NFU1: variants seen among roughly 807,000 people sequenced by gnomAD.
The protein encoded by NFU1 is NFU1 iron-sulfur cluster scaffold homolog, mitochondrial.
A neutral mutation model predicts 32.2 loss-of-function variants in NFU1; 30 were observed. That is an observed-to-expected ratio of 0.93 (90% CI 0.70 to 1.26). The LOEUF is 1.26. NFU1 is among the 50% of genes most tolerant of loss of function. NFU1 has a pLI of 0.00. For missense variants in NFU1, 306 were observed against 306.6 expected (o/e 1.00, Z 0.02); for synonymous variants, 112 against 104.6 (o/e 1.07, Z -0.43).
intron 4 of NFU1, 63 bp from the exon 5 acceptor site, chr2:69,415,362 T>G: frequency 1.2e-6 from 1 of 844,662 alleles, no homozygotes; most frequent in Non-Finnish European, 2.0e-6. Context: ...TACAGAACAC[T>G]ACCTTATACC....
chr2:69,439,096 T>C (rs1574165714), upstream of NFU1, among the ~76,000 whole-genome samples: 1 of 152,150 alleles, frequency 6.6e-6, no homozygotes, highest in East Asian at 1.9e-4. Context: ...TCCACACTCT[T>C]TTCTTCCCTT....
upstream of NFU1, among the ~76,000 whole-genome samples, chr2:69,438,769 G>A (rs897205617): frequency 3.9e-5 from 6 of 151,928 alleles, no homozygotes; most frequent in Non-Finnish European, 5.9e-5. Context: ...CAGCTCGCCC[G>A]GGCCCGCACA....
rs533074162 is a variant in NFU1 at position 69,409,700 on chromosome 2, ATGT to A, written c.485-3621_485-3619del. Among the ~76,000 whole-genome samples, 444 of 152,228 alleles carry A rather than the reference ATGT, an allele frequency of 2.9e-3. 3 individuals carry two copies. Among genetic ancestry groups the A allele is most frequent in the African/African-American group, 8.4e-3 (349 of 41,522 alleles). ...GATCACATGGTGAGACAGGAAGGAG[ATGT>A]TGTTACTGGGACTCTTCTTAGCACT... On this transcript the variant is annotated intron_variant, in intron 5 of 7. Transcript: ENST00000410022.
chr2:69,408,858 G>T (rs192845056), intron 5 of NFU1, among the ~76,000 whole-genome samples: 1 of 122,426 alleles, frequency 8.2e-6, no homozygotes, highest in Non-Finnish European at 1.7e-5. Context: ...AAACAGGCTT[G>T]TGCTTTTTTT....
intron 5 of NFU1, among the ~76,000 whole-genome samples, chr2:69,408,737 T>A: frequency 1.7e-4 from 1 of 5,892 alleles, no homozygotes; most frequent in African/African-American, 7.4e-3. Flanking sequence ...TAAAATTTTA[T>A]ATATATATAT....
chr2:69,403,881 C>G (rs1041141171), intron 6 of NFU1, among the ~76,000 whole-genome samples: 1 of 151,414 alleles, frequency 6.6e-6, no homozygotes, highest in African/African-American at 2.4e-5. Context: ...CTCTGTCGCC[C>G]AGGCTGGAGT....
At chr2:69,434,706 A>G (rs1673769815) in intron 1 of NFU1, among the ~76,000 whole-genome samples, 1 of 152,226 alleles carries the variant, frequency 6.6e-6, no homozygotes, top group African/African-American at 2.4e-5. Context: ...ATAATTGCCA[A>G]TGGGTTCACT....
intron 5 of NFU1, chr2:69,411,008 A>G (rs1672860841): frequency 6.6e-6 from 1 of 152,108 alleles, no homozygotes; most frequent in Non-Finnish European, 1.5e-5. Context: ...TTACAGAGAT[A>G]TTATAATTAA....
At chr2:69,437,620 A>C (rs1292200283), upstream of NFU1, 1 of 685,166 alleles carries the variant, frequency 1.5e-6, no homozygotes, top group Non-Finnish European at 2.6e-6. Flanking sequence ...AGGCCGGGGA[A>C]CCTTTCCCGT....
upstream of NFU1, among the ~76,000 whole-genome samples, chr2:69,437,844 C>T (rs13416004): frequency 0.38 from 58,344 of 151,992 alleles, 11,570 homozygotes; most frequent in Middle Eastern, 0.43. Context: ...TGGAGCATTC[C>T]TTCTAAAAGG....
intron 5 of NFU1, chr2:69,410,786 GA>G (rs1430412381): frequency 6.6e-6 from 1 of 152,108 alleles, no homozygotes; most frequent in African/African-American, 2.4e-5. Flanking sequence ...ATTTGGGGAT[GA>G]AAAAATATCA....
At chr2:69,424,170 C>CAAAAA (rs57078704) in intron 2 of NFU1, among the ~76,000 whole-genome samples, 16 of 42,938 alleles carry the variant, frequency 3.7e-4, no homozygotes, top group African/African-American at 8.9e-4. Context: ...GACTCTGTCT[C>CAAAAA]AAAAAAAAAA....
chr2:69,434,149 C>T (rs55739775), intron 1 of NFU1, among the ~76,000 whole-genome samples: 93,688 of 142,326 alleles, frequency 0.66, 31,279 homozygotes, highest in African/African-American at 0.86. Flanking sequence ...TTTTTTTTTT[C>T]TTTTTTTTTT....
chr2:69,426,013 C>T (rs1021368664), intron 2 of NFU1, among the ~76,000 whole-genome samples: 1 of 152,198 alleles, frequency 6.6e-6, no homozygotes, highest in East Asian at 1.9e-4. Flanking sequence ...TCACACTGTA[C>T]CCAAGCTAGA....
intron 6 of NFU1, among the ~76,000 whole-genome samples, chr2:69,401,971 G>A (rs1434933246): frequency 6.6e-6 from 1 of 151,534 alleles, no homozygotes; most frequent in Non-Finnish European, 1.5e-5. Flanking sequence ...TCAGCTCACT[G>A]CAACTTCCGC....
intron 3 of NFU1, among the ~76,000 whole-genome samples, chr2:69,422,332 C>T (rs1673273535): frequency 6.6e-6 from 1 of 152,202 alleles, no homozygotes; most frequent in Admixed American, 6.5e-5. Flanking sequence ...TATTTTTAGA[C>T]TATGGCTGAT....
chr2:69,396,356 T>C, intron 7 of NFU1, 66 bp from the exon 8 acceptor site: 1 of 1,207,788 alleles, frequency 8.3e-7, no homozygotes, highest in Non-Finnish European at 1.2e-6. Context: ...GTTTTCCTGA[T>C]TTTAATATTA....
intron 4 of NFU1, among the ~76,000 whole-genome samples, chr2:69,416,569 C>T (rs539690598): frequency 4.6e-5 from 7 of 151,752 alleles, no homozygotes; most frequent in Admixed American, 4.6e-4. Flanking sequence ...TACAACTATT[C>T]AAAAAATTTA....
chr2:69,410,700 A>G (rs1188246208), intron 5 of NFU1: 2 of 152,220 alleles, frequency 1.3e-5, no homozygotes, highest in Admixed American at 6.5e-5. Context: ...TGATAACAAA[A>G]CCTATATAGT....
Sources: allele counts gnomAD v4.1 joint callset (sites outside exome capture counted in the v4.1 genomes callset), GRCh38; gene constraint gnomAD v4.1.1; transcripts MANE v1.5; gene names NCBI Gene and HGNC (gene_info 2026-07-23, HGNC 2026-07-21).